The following PCDH17 variants were observed in gnomAD, a reference collection of about 807,000 sequenced individuals.
PCDH17 encodes protocadherin-17.
In PCDH17, 21 loss-of-function variants were observed where a neutral mutation model predicts 67.7. The observed-to-expected ratio is 0.31, with a 90% CI of 0.22 to 0.45. The LOEUF (loss-of-function observed/expected upper bound fraction) is 0.45. PCDH17 is among the 20% of genes least tolerant of loss of function. The pLI is 1.00. For missense variants in PCDH17, 1,471 were observed against 1,564.8 expected (o/e 0.94, Z 1.01); for synonymous variants, 701 against 656.7 (o/e 1.07, Z -1.03).
chr13:57,715,033 A>G (rs553014004), intron 3 of PCDH17, among the ~76,000 whole-genome samples: 43 of 151,990 alleles, frequency 2.8e-4, no homozygotes, highest in African/African-American at 1.0e-3. Context: ...AAGGGAAATT[A>G]TTCTGACCTC....
chr13:57,693,415 A>C (rs1593932446), intron 3 of PCDH17, among the ~76,000 whole-genome samples: 1 of 145,698 alleles, frequency 6.9e-6, no homozygotes, highest in Non-Finnish European at 1.5e-5. Context: ...TTCATTTAAA[A>C]ATTTTACACT....
chr13:57,643,589 A>G (rs1233428027), intron 1 of PCDH17, among the ~76,000 whole-genome samples: 1 of 151,600 alleles, frequency 6.6e-6, no homozygotes, highest in African/African-American at 2.4e-5. Context: ...TTTTGCATCT[A>G]TTTTAAAATA....
Position 57,729,080 on chromosome 13 carries a change from A to G in PCDH17, c.*3786A>G, listed in dbSNP as rs1955934528. Reference sequence around the variant, plus strand: ...TGTTGATTCTAAATATTATTGAATGAGACCTGATTAAAGTCTGACTTTCCT... The same window carrying G: ...TGTTGATTCTAAATATTATTGAATGGGACCTGATTAAAGTCTGACTTTCCT... On this transcript the variant is annotated 3_prime_UTR_variant, in exon 4 of 4. Coordinates refer to ENST00000377918, the MANE Select transcript of PCDH17 (RefSeq NM_001040429.3). 1.3e-5 allele frequency: 2 copies of G among 152,158 alleles called. No homozygotes were observed. The highest frequency in any genetic ancestry group is 4.8e-5 in the African/African-American group (2 of 41,452). 9.4% of individuals were successfully genotyped at this position (152,158 alleles called of 1,614,324 possible).
chr13:57,661,003 T>G (rs1269389078), intron 1 of PCDH17, among the ~76,000 whole-genome samples: 1 of 152,108 alleles, frequency 6.6e-6, no homozygotes, highest in Non-Finnish European at 1.5e-5. Context: ...ATACTTTTCA[T>G]TTTTTTAGGG....
At chr13:57,713,395 G>T (rs1409856186) in intron 3 of PCDH17, among the ~76,000 whole-genome samples, 1 of 151,622 alleles carries the variant, frequency 6.6e-6, no homozygotes, top group East Asian at 1.9e-4. Context: ...ACAGTTACAG[G>T]TAATAAGAAC....
chr13:57,634,656 A>G lies in PCDH17; in HGVS notation c.2110A>G (p.Met704Val), dbSNP rs775138929. The change falls in exon 1 of 4, where the codon ATG (methionine) becomes GTG (valine). Residue 704 changes from methionine (M) to valine (V), a missense_variant. Physicochemically the swap from Met to Val is conservative, Grantham distance 21. Around this residue, in one of 3 missense-constraint regions of PCDH17, gnomAD observed 1,163 missense variants for 1,230.0 expected, o/e 0.95. Transcript: ENST00000377918. This position sits in a 1 kb window ranked among gnomAD's most constrained non-coding sequence, Gnocchi z 7.8. Reference protein sequence around the residue: ...RVNGEQHHWDMSLPLIVTLST... With the variant: ...RVNGEQHHWDVSLPLIVTLST... ...GAATGGCGAGCAGCACCACTGGGACATGTCGCTGCCGCTCATCGTGACTCT... is the reference window on the plus strand; with the variant it reads ...GAATGGCGAGCAGCACCACTGGGACGTGTCGCTGCCGCTCATCGTGACTCT... The G allele has an allele frequency of 3.1e-6, 5 of 1,613,402 alleles. No individual in the cohort carries two copies. Among genetic ancestry groups the G allele is most frequent in the African/African-American group, 1.3e-5 (1 of 74,868 alleles).
Position 57,634,220 on chromosome 13 carries a change from G to A in PCDH17, c.1674G>A (p.Gly558=), listed in dbSNP as rs770169677. 6.2e-7 allele frequency: 1 copy of A among 1,613,336 alleles called. No individual in the cohort carries two copies. Among genetic ancestry groups the A allele is most frequent in the Admixed American group, 1.7e-5 (1 of 60,022 alleles). ...TCAAGGTGCTTGCTAAGGACTCGGG[G>A]GCGCCCGCGCACTTGGAGAGCAACG... ...FEFKVLAKDS[G]APAHLESNAT... Residue 558 remains glycine (G), a synonymous_variant, in exon 1 of 4, where the codon GGG becomes GGA. Coordinates refer to ENST00000377918, the MANE Select transcript of PCDH17 (RefSeq NM_001040429.3). This position sits in a 1 kb window ranked among gnomAD's most constrained non-coding sequence, Gnocchi z 7.8.
Position 57,633,765 on chromosome 13 carries a change from G to C in PCDH17, c.1219G>C (p.Gly407Arg), listed in dbSNP as rs1227228760. 2.5e-6 allele frequency: 4 copies of C among 1,592,504 alleles called. No individual in the cohort carries two copies. Among genetic ancestry groups the C allele is most frequent in the South Asian group, 2.2e-5 (2 of 89,960 alleles). Residue 407 changes from glycine to arginine, a missense_variant, in exon 1 of 4, where the codon GGG becomes CGG. Gly to Arg is a moderately radical substitution (Grantham distance 125, BLOSUM62 -2). Transcript: ENST00000377918. The surrounding 1 kb of genome is among the most constrained non-coding windows in gnomAD (Gnocchi z 6.2). Reference sequence around the variant, plus strand: ...CGGCGGCGGGGGCCTGGGCGGGCCCGGGGGTTCCGTCCCCTTCAAGCTTGA... The same window carrying C: ...CGGCGGCGGGGGCCTGGGCGGGCCCCGGGGTTCCGTCCCCTTCAAGCTTGA... ...TGGGGGLGGP[G>R]GSVPFKLEEN...
rs560030547 is a variant in PCDH17 at position 57,652,033 on chromosome 13, C to G, written c.2566-14435C>G. 1.5e-3 allele frequency among the ~76,000 whole-genome samples: 222 copies of G among 151,578 alleles called. 2 individuals carry two copies. Among genetic ancestry groups the G allele is most frequent in the African/African-American group, 5.3e-3 (220 of 41,348 alleles). On this transcript the variant is annotated intron_variant, in intron 1 of 3. Transcript: ENST00000377918. ...GTGGCTCACGCCTGTAATCCCAGCA[C>G]TTTGGGAGGCTGAGGCGGGTGGATC...
intron 3 of PCDH17, among the ~76,000 whole-genome samples, chr13:57,695,265 TTAAA>T (rs1955595894): frequency 6.6e-6 from 1 of 151,400 alleles, no homozygotes; most frequent in African/African-American, 2.4e-5. Flanking sequence ...TTTTAAAATA[TTAAA>T]TAACTGAAAA....
At chr13:57,703,366 C>G (rs1955687054) in intron 3 of PCDH17, among the ~76,000 whole-genome samples, 1 of 151,962 alleles carries the variant, frequency 6.6e-6, no homozygotes, top group South Asian at 2.1e-4. Context: ...GATTATTTCC[C>G]AATTAGGTTA....
intron 3 of PCDH17, among the ~76,000 whole-genome samples, chr13:57,679,694 A>C (rs1955430279): frequency 1.3e-5 from 2 of 151,454 alleles, no homozygotes; most frequent in African/African-American, 4.8e-5. Context: ...TTCTAATTTG[A>C]ATTACCGTGT....
intron 1 of PCDH17, 96 bp downstream of exon 1, chr13:57,635,207 C>A: frequency 8.1e-7 from 1 of 1,233,718 alleles, no homozygotes; most frequent in African/African-American, 1.5e-5. Context: ...CTGCCAGCAG[C>A]AGTGAGGGGG....
At chr13:57,700,001 T>C (rs1208238887) in intron 3 of PCDH17, among the ~76,000 whole-genome samples, 1 of 152,076 alleles carries the variant, frequency 6.6e-6, no homozygotes, top group African/African-American at 2.4e-5. Context: ...AAAATCTCTG[T>C]TTATACATAT....
chr13:57,651,221 A>G (rs955319124), intron 1 of PCDH17, among the ~76,000 whole-genome samples: 8 of 152,216 alleles, frequency 5.3e-5, no homozygotes, highest in African/African-American at 1.9e-4. Flanking sequence ...TATAAATTTC[A>G]TGAAAAATTA....
chr13:57,636,415 T>G (rs1001987310), intron 1 of PCDH17, among the ~76,000 whole-genome samples: 2 of 152,188 alleles, frequency 1.3e-5, no homozygotes, highest in African/African-American at 4.8e-5. Context: ...GGAGCAGTAA[T>G]ATTTCATAAT....
At chr13:57,675,221 GCTA>G (rs1955377947) in intron 3 of PCDH17, among the ~76,000 whole-genome samples, 1 of 151,910 alleles carries the variant, frequency 6.6e-6, no homozygotes, top group Admixed American at 6.6e-5. Context: ...ACACTACTGT[GCTA>G]TCACCAAACA....
rs770596334 is a variant in PCDH17, at chr13:57,725,279, G to A, written c.3465G>A (p.Val1155=). The part of the protein sequence containing the change: ...LLQDCRGNDP[V]AVRK ...AAGACTGCCGGGGAAACGACCCTGT[G>A]GCTGTGAGAAAGTGAAAAAAGAAAA... Residue 1155 remains valine, a synonymous_variant, in exon 4 of 4, where the codon GTG becomes GTA. Coordinates refer to ENST00000377918, the MANE Select transcript of PCDH17 (RefSeq NM_001040429.3). 1.3e-6 allele frequency: 2 copies of A among 1,585,186 alleles called. No individual in the cohort carries two copies. The highest frequency in any genetic ancestry group is 1.7e-6 in the Non-Finnish European group (2 of 1,170,442).
intron 3 of PCDH17, among the ~76,000 whole-genome samples, chr13:57,684,014 G>A (rs61961884): frequency 0.05 from 7,652 of 151,842 alleles, 252 homozygotes; most frequent in Middle Eastern, 0.095. Flanking sequence ...GTGCCTCTGG[G>A]GCACGAGGTG....
Sources: gnomAD v4.1 joint callset for allele counts (sites outside exome capture counted in the v4.1 genomes callset) on GRCh38, gnomAD v4.1.1 for gene constraint, gnomAD v4.1.1 regional missense constraint, Gnocchi (gnomAD v3.1) non-coding constraint, MANE v1.5 for transcripts, NCBI Gene and HGNC (gene_info 2026-07-23, HGNC 2026-07-21) for gene names.